Variants in SLC4A10 observed in about 807,000 individuals in gnomAD.
The protein encoded by SLC4A10 is sodium-driven chloride bicarbonate exchanger.
SLC4A10 carries 42 observed loss-of-function variants against 137.7 expected under a neutral mutation model. The observed-to-expected ratio is 0.30, with a 90% CI of 0.24 to 0.39. The LOEUF (loss-of-function observed/expected upper bound fraction) is 0.39, where lower values mean the gene tolerates loss of function less well. Among genes scored for constraint, SLC4A10 ranks in the 10% least tolerant of loss-of-function variants. The pLI is 1.00. For synonymous variants in SLC4A10, 474 were observed against 464.1 expected, an observed-to-expected ratio of 1.02 and a Z score of -0.27; for missense variants, 925 against 1,355.0, an observed-to-expected ratio of 0.68 and a Z score of 4.98.
chr2:161,888,184 C>T (rs187272931), intron 10 of SLC4A10, among the ~76,000 whole-genome samples: 16 of 150,640 alleles, frequency 1.1e-4, no homozygotes, highest in African/African-American at 1.7e-4. Context: ...ATACAAGTGC[C>T]CTGTGGTTTT....
chr2:161,724,966 G>A (rs1375386372), intron 1 of SLC4A10, among the ~76,000 whole-genome samples: 1 of 152,126 alleles, frequency 6.6e-6, no homozygotes, highest in Non-Finnish European at 1.5e-5. Context: ...TAAGGGCAAA[G>A]GCATTAAATA....
intron 19 of SLC4A10, among the ~76,000 whole-genome samples, chr2:161,953,000 G>C (rs1487937310): frequency 6.6e-6 from 1 of 152,158 alleles, no homozygotes; most frequent in East Asian, 1.9e-4. Flanking sequence ...TATATCACCA[G>C]ACCACAAGCT....
At chr2:161,834,708 A>G (rs905799016) in intron 3 of SLC4A10, among the ~76,000 whole-genome samples, 1 of 149,102 alleles carries the variant, frequency 6.7e-6, no homozygotes, top group Non-Finnish European at 1.5e-5. Context: ...CACAAAACCT[A>G]TTAACACCTT....
intron 1 of SLC4A10, among the ~76,000 whole-genome samples, chr2:161,634,736 T>A (rs1261190693): frequency 6.6e-6 from 1 of 152,024 alleles, no homozygotes; most frequent in Non-Finnish European, 1.5e-5. Context: ...TCTTTTTAGC[T>A]ATTTTGAAAT....
intron 15 of SLC4A10, among the ~76,000 whole-genome samples, chr2:161,914,367 T>C (rs182393320): frequency 2.7e-4 from 41 of 152,266 alleles, no homozygotes; most frequent in African/African-American, 7.9e-4. Context: ...AAAACTATCA[T>C]TATTAATTCT....
Position 161,848,169 on chromosome 2 carries a change from A to G in SLC4A10, c.417-6801A>G, listed in dbSNP as rs1473409134. On this transcript the variant is annotated intron_variant, in intron 4 of 26. Transcript: ENST00000446997. ...TCATATGCTTGTTGCTACTTGTATT[A>G]GTATGTCTTCTTTTGAGAAGTGTCT... Among the ~76,000 whole-genome samples the G allele has an allele frequency of 2.6e-5, 4 of 152,036 alleles. No individual in the cohort carries two copies. In the East Asian group the frequency reaches 5.8e-4, roughly 22 times the overall value.
chr2:161,735,258 G>T (rs1371491780), intron 1 of SLC4A10, among the ~76,000 whole-genome samples: 1 of 150,824 alleles, frequency 6.6e-6, no homozygotes, highest in Non-Finnish European at 1.5e-5. Flanking sequence ...ATTAGTATTT[G>T]TAGATGAAAA....
At chr2:161,637,421 G>A (rs1004157477) in intron 1 of SLC4A10, among the ~76,000 whole-genome samples, 1 of 151,882 alleles carries the variant, frequency 6.6e-6, no homozygotes. Context: ...GGCTGGTCTC[G>A]AACTCCTGAC....
Position 161,894,674 on chromosome 2 carries a change from TA to T in SLC4A10, c.1195-2del. The T allele has an allele frequency of 7.4e-7, 1 of 1,359,540 alleles. No homozygotes were observed. Among genetic ancestry groups the T allele is most frequent in the Non-Finnish European group, 9.6e-7 (1 of 1,039,146 alleles). The allele number at this position is 1,359,540 out of a possible 1,614,324, so 84.2% of individuals were successfully genotyped here. A position where few individuals can be genotyped will look rare whatever the true frequency, so the allele number is the denominator to read the frequency against. Reference sequence around the variant, plus strand: ...CTATAAATAATATTTCTATTTCTTCTAAAGGTATTTCATGATGTTGCCTATA... The same window carrying T: ...CTATAAATAATATTTCTATTTCTTCTAAGGTATTTCATGATGTTGCCTATA... On this transcript the variant is annotated splice_polypyrimidine_tract_variant and splice_region_variant and intron_variant, in intron 10 of 26. Transcript: ENST00000446997.
intron 22 of SLC4A10, 45 bp downstream of exon 22, chr2:161,964,353 G>T: frequency 1.3e-6 from 2 of 1,582,820 alleles, no homozygotes; most frequent in Middle Eastern, 1.7e-4. Context: ...CTGATTTGCT[G>T]GTCTCTTTGG....
intron 1 of SLC4A10, among the ~76,000 whole-genome samples, chr2:161,719,709 A>T (rs1366910432): frequency 6.6e-6 from 1 of 152,160 alleles, no homozygotes; most frequent in Non-Finnish European, 1.5e-5. Context: ...TCTTTTGAGA[A>T]ATGTCTGTTC....
At chr2:161,845,474 T>C (rs992974104) in intron 4 of SLC4A10, among the ~76,000 whole-genome samples, 3 of 152,070 alleles carry the variant, frequency 2.0e-5, no homozygotes, top group Non-Finnish European at 4.4e-5. Flanking sequence ...ATAACTTATA[T>C]TTGGTCATCT....
At chr2:161,891,614 C>T (rs767917143) in intron 10 of SLC4A10, among the ~76,000 whole-genome samples, 13 of 151,844 alleles carry the variant, frequency 8.6e-5, no homozygotes, top group Non-Finnish European at 1.3e-4. Flanking sequence ...GTATGCTTCA[C>T]GAAGTTCTTG....
chr2:161,721,444 A>G (rs961949574), intron 1 of SLC4A10, among the ~76,000 whole-genome samples: 1 of 152,164 alleles, frequency 6.6e-6, no homozygotes, highest in African/African-American at 2.4e-5. Flanking sequence ...TCACTTATGA[A>G]GCGTGGTTTA....
chr2:161,755,398 G>A (rs983856182), intron 1 of SLC4A10, among the ~76,000 whole-genome samples: 2 of 152,204 alleles, frequency 1.3e-5, no homozygotes, highest in Non-Finnish European at 2.9e-5. Flanking sequence ...TGTGTTGTGT[G>A]ACTAGCTGAG....
Position 161,964,257 on chromosome 2 carries a change from C to T in SLC4A10, c.2985C>T (p.Gly995=). 1 of 1,613,546 alleles carries T rather than the reference C, an allele frequency of 6.2e-7. No homozygotes were observed. Among genetic ancestry groups the T allele is most frequent in the Non-Finnish European group, 8.5e-7 (1 of 1,179,640 alleles). Residue 995 remains glycine (G), a synonymous_variant, in exon 22 of 27, where the codon GGC becomes GGT. Transcript: ENST00000446997. ...LFTIIQMSCL[G]LLWIIKVSRA... ...CAATTATTCAGATGAGTTGCCTTGGCCTTTTGTGGATAATAAAAGTTTCAA... is the reference window on the plus strand; with the variant it reads ...CAATTATTCAGATGAGTTGCCTTGGTCTTTTGTGGATAATAAAAGTTTCAA...
intron 1 of SLC4A10, among the ~76,000 whole-genome samples, chr2:161,713,639 A>G (rs1216176710): frequency 6.6e-6 from 1 of 151,846 alleles, no homozygotes; most frequent in Non-Finnish European, 1.5e-5. Flanking sequence ...ATTTTAATAC[A>G]ATGAATACTC....
intron 15 of SLC4A10, among the ~76,000 whole-genome samples, chr2:161,921,473 T>TA (rs1395270953): frequency 1.3e-5 from 2 of 152,156 alleles, no homozygotes; most frequent in African/African-American, 4.8e-5. Context: ...ATAGAATGTT[T>TA]AAGTCCTGAC....
chr2:161,834,414 A>G (rs1473334835), intron 3 of SLC4A10, among the ~76,000 whole-genome samples: 1 of 152,184 alleles, frequency 6.6e-6, no homozygotes, highest in Non-Finnish European at 1.5e-5. Context: ...AGCTACCGGA[A>G]TGGAACACAC....
Sources: allele counts gnomAD v4.1 joint callset (sites outside exome capture counted in the v4.1 genomes callset), GRCh38; gene constraint gnomAD v4.1.1; transcripts MANE v1.5; gene names NCBI Gene and HGNC (gene_info 2026-07-23, HGNC 2026-07-21).